Variants in RUNX1 observed in about 807,000 individuals in gnomAD.
The protein encoded by RUNX1 is RUNX family transcription factor 1, also known as runt-related transcription factor 1.
A neutral mutation model predicts 42.8 loss-of-function variants in RUNX1; 19 were observed. The ratio of observed to expected loss-of-function variants is 0.44; its 90% confidence interval spans 0.31 to 0.65. RUNX1 has a LOEUF of 0.65. Ranked by LOEUF, RUNX1 falls within the 30% of genes least tolerant of loss-of-function variation. RUNX1 has a pLI of 0.07. For synonymous variants in RUNX1, 271 were observed against 289.4 expected, an observed-to-expected ratio of 0.94 and a Z score of 0.64; for missense variants, 528 against 672.0, an observed-to-expected ratio of 0.79 and a Z score of 2.37.
intron 2 of RUNX1, among the ~76,000 whole-genome samples, chr21:34,915,488 C>CA (rs1387444209): frequency 6.6e-6 from 1 of 152,018 alleles, no homozygotes. Context: ...CACAAATAGG[C>CA]AAAAAGACTC....
At chr21:34,909,359 G>T (rs1271991102) in intron 2 of RUNX1, among the ~76,000 whole-genome samples, 4 of 152,144 alleles carry the variant, frequency 2.6e-5, no homozygotes, top group Admixed American at 6.5e-5. Flanking sequence ...AAAACAGAGA[G>T]AATCCACTTG....
At chr21:34,876,301 A>G (rs1397105841) in intron 5 of RUNX1, among the ~76,000 whole-genome samples, 7 of 152,192 alleles carry the variant, frequency 4.6e-5, no homozygotes, top group African/African-American at 1.7e-4. Context: ...GACAAACCAG[A>G]CCCCGGCGAT....
chr21:34,887,361 T>C (rs1158552540), intron 3 of RUNX1: 40 of 1,428,658 alleles, frequency 2.8e-5, no homozygotes, highest in Non-Finnish European at 3.5e-5. Flanking sequence ...TAGCAACCGA[T>C]TGCTTAGTGC....
chr21:35,007,684 C>T (rs763817882), intron 2 of RUNX1, among the ~76,000 whole-genome samples: 1 of 152,126 alleles, frequency 6.6e-6, no homozygotes, highest in Non-Finnish European at 1.5e-5. Flanking sequence ...CATCTGCCAA[C>T]CCCCTTGGTG....
At chr21:34,849,784 T>G (rs1186007946) in intron 6 of RUNX1, among the ~76,000 whole-genome samples, 1 of 151,448 alleles carries the variant, frequency 6.6e-6, no homozygotes, top group Non-Finnish European at 1.5e-5. Context: ...AAACCTTCTC[T>G]AAAAGTTGCC....
At chr21:34,945,761 G>C (rs1476599169) in intron 2 of RUNX1, among the ~76,000 whole-genome samples, 1 of 152,106 alleles carries the variant, frequency 6.6e-6, no homozygotes, top group Non-Finnish European at 1.5e-5. Flanking sequence ...TTTGCTCTCT[G>C]TGTACAACCT....
rs1310943509 is a variant in RUNX1 at position 34,792,345 on chromosome 21, G to A, written c.1233C>T (p.Ala411=). ...CCACCATGGAGAACTGGTAGGAGCCGGCCGAGGCGCCGTAGTACAGGTGGT... is the reference window on the plus strand; with the variant it reads ...CCACCATGGAGAACTGGTAGGAGCCAGCCGAGGCGCCGTAGTACAGGTGGT... ...PSYHLYYGAS[A]GSYQFSMVGG... The change falls in exon 9 of 9, where the codon GCC becomes GCT. Residue 411 remains alanine, a synonymous_variant. Coordinates refer to ENST00000675419, the MANE Select transcript of RUNX1 (RefSeq NM_001754.5). The surrounding 1 kb of genome is among the most constrained non-coding windows in gnomAD (Gnocchi z 6.9). The A allele has an allele frequency of 6.4e-7, 1 of 1,552,860 alleles. No individual in the cohort carries two copies. The highest frequency in any genetic ancestry group is 1.2e-5 in the South Asian group (1 of 84,542).
At chr21:35,027,815 A>AT (rs2059247827) in intron 2 of RUNX1, among the ~76,000 whole-genome samples, 1 of 152,166 alleles carries the variant, frequency 6.6e-6, no homozygotes, top group South Asian at 2.1e-4. Flanking sequence ...ACGTGTCCAC[A>AT]TTTTTCAGAA....
intron 2 of RUNX1, among the ~76,000 whole-genome samples, chr21:34,911,382 T>C (rs567123629): frequency 4.1e-4 from 63 of 152,158 alleles, no homozygotes; most frequent in Non-Finnish European, 8.7e-4. Context: ...GGGAGGGAGA[T>C]CTTACATACA....
At chr21:35,034,673 A>G (rs1432757708) in intron 2 of RUNX1, among the ~76,000 whole-genome samples, 3 of 152,218 alleles carry the variant, frequency 2.0e-5, no homozygotes, top group Non-Finnish European at 4.4e-5. Flanking sequence ...AGCAGCCTAC[A>G]TACAGCACAG....
intron 6 of RUNX1, chr21:34,856,502 A>G (rs747568153): frequency 2.0e-5 from 10 of 511,884 alleles, no homozygotes; most frequent in Non-Finnish European, 3.9e-5. Flanking sequence ...AGAGAGATGA[A>G]CAGATGAATG....
intron 6 of RUNX1, among the ~76,000 whole-genome samples, chr21:34,837,725 A>G (rs938828500): frequency 2.0e-5 from 3 of 152,162 alleles, no homozygotes; most frequent in Non-Finnish European, 4.4e-5. Flanking sequence ...CTTGGGTAGA[A>G]CCAGGATGCA....
chr21:34,979,976 G>A (rs1392015018), intron 2 of RUNX1, among the ~76,000 whole-genome samples: 1 of 152,198 alleles, frequency 6.6e-6, no homozygotes. Flanking sequence ...CCCTGCTAGC[G>A]CATGGCCGAA....
At position 34,887,005 on chromosome 21, in the gene RUNX1, G is replaced by A. The variant is rs2058003198; in HGVS notation, c.189C>T (p.Ala63=). The A allele has an allele frequency of 6.2e-7, 1 of 1,602,920 alleles. No individual in the cohort carries two copies. Among genetic ancestry groups the A allele is most frequent in the Non-Finnish European group, 8.5e-7 (1 of 1,177,774 alleles). ...SEALPLGAPD[A]GAALAGKLRS... is the part of the protein sequence containing the mutation. ...TCAGCTTGCCGGCCAGGGCAGCGCC[G>A]GCGTCCGGGGCGCCCAGCGGCAACG... The change falls in exon 4 of 9, where the codon GCC becomes GCT. Residue 63 remains alanine (A), a synonymous_variant. Transcript: ENST00000675419.
chr21:34,931,377 A>G lies in RUNX1; in HGVS notation c.59-38414T>C, dbSNP rs559192225. On this transcript the variant is annotated intron_variant, in intron 2 of 8. Coordinates refer to ENST00000675419, the MANE Select transcript of RUNX1 (RefSeq NM_001754.5). ...ATGTGTATATATATGTGTATATATA[A>G]TATATACATGTATATAATATATACA... Among the ~76,000 whole-genome samples, 281 of 146,516 alleles carry G rather than the reference A, an allele frequency of 1.9e-3. 1 individual carries two copies. The highest frequency in any genetic ancestry group is 6.7e-3 in the African/African-American group (265 of 39,804).
At chr21:34,895,948 A>C (rs1371792682) in intron 2 of RUNX1, among the ~76,000 whole-genome samples, 1 of 150,234 alleles carries the variant, frequency 6.7e-6, no homozygotes, top group Non-Finnish European at 1.5e-5. Flanking sequence ...CAGTTGTCAG[A>C]CAAGGGGTCA....
chr21:34,799,589 T>C, intron 7 of RUNX1, 127 bp from the exon 8 acceptor site: 1 of 773,234 alleles, frequency 1.3e-6, no homozygotes, highest in African/African-American at 1.7e-5. Context: ...TGTACCAGGG[T>C]TTAATAAGCC....
chr21:34,836,966 AG>A lies in RUNX1; in HGVS notation c.614-2366del, dbSNP rs2057155895. ...TTCCAGGTAAGCCAGTCCTGTGGTC[AG>A]GCACAACGTGAGGTATTTTTTGTTT... On this transcript the variant is annotated intron_variant, in intron 6 of 8. Coordinates refer to ENST00000675419, the MANE Select transcript of RUNX1 (RefSeq NM_001754.5). Among the ~76,000 whole-genome samples the A allele has an allele frequency of 2.0e-5, 3 of 152,316 alleles. No individual in the cohort carries two copies. In the South Asian group the frequency reaches 6.2e-4, roughly 32 times the overall value.
chr21:34,821,416 C>T, intron 7 of RUNX1: 10 of 1,328,914 alleles, frequency 7.5e-6, no homozygotes, highest in East Asian at 2.7e-5. Context: ...ATGTGCTGTG[C>T]ATCAAGTGAT....
Sources: allele counts gnomAD v4.1 joint callset (sites outside exome capture counted in the v4.1 genomes callset), GRCh38; gene constraint gnomAD v4.1.1; non-coding constraint Gnocchi (gnomAD v3.1); transcripts MANE v1.5; gene names NCBI Gene and HGNC (gene_info 2026-07-23, HGNC 2026-07-21).